The following CADM2 variants were observed in gnomAD, a reference collection of about 807,000 sequenced individuals.
The protein encoded by CADM2 is immunoglobulin superfamily member 4D.
In CADM2, 12 loss-of-function variants were observed where a neutral mutation model predicts 49.8. The observed-to-expected ratio is 0.24, with a 90% confidence interval of 0.15 to 0.39. CADM2 has a LOEUF of 0.39. Ranked by LOEUF, CADM2 falls within the 10% of genes least tolerant of loss-of-function variation. CADM2 has a pLI of 1.00. For missense variants in CADM2, 378 were observed against 492.3 expected, an observed-to-expected ratio of 0.77 and a Z score of 2.20; for synonymous variants, 214 against 175.4, an observed-to-expected ratio of 1.22 and a Z score of -1.74.
intron 1 of CADM2, among the ~76,000 whole-genome samples, chr3:84,984,933 G>A (rs899958492): frequency 2.5e-4 from 38 of 152,160 alleles, no homozygotes; most frequent in African/African-American, 8.9e-4. Context: ...TTGGTACCCA[G>A]AGCTTTATGA....
intron 5 of CADM2, among the ~76,000 whole-genome samples, chr3:85,899,670 G>A (rs993814619): frequency 6.6e-6 from 1 of 152,126 alleles, no homozygotes; most frequent in African/African-American, 2.4e-5. Flanking sequence ...TATTAAGTGA[G>A]ACCAGAACAG....
At chr3:85,517,557 T>C (rs1306234200) in intron 1 of CADM2, among the ~76,000 whole-genome samples, 5 of 152,170 alleles carry the variant, frequency 3.3e-5, no homozygotes, top group Admixed American at 3.3e-4. Flanking sequence ...AATTATATCG[T>C]CATGATTTTA....
At chr3:85,879,078 TA>T (rs1469618997) in intron 3 of CADM2, among the ~76,000 whole-genome samples, 1 of 150,536 alleles carries the variant, frequency 6.6e-6, no homozygotes, top group Non-Finnish European at 1.5e-5. Context: ...TATAAATACA[TA>T]TATTTATATA....
chr3:85,536,457 T>G (rs1269699022), intron 1 of CADM2, among the ~76,000 whole-genome samples: 1 of 104,672 alleles, frequency 9.6e-6, no homozygotes, highest in Admixed American at 1.0e-4. Context: ...TTAAATATAG[T>G]ATTGTTTTTT....
intron 1 of CADM2, among the ~76,000 whole-genome samples, chr3:85,381,446 A>ATATATATATAAACTGTATATATAAAG (rs2033899708): frequency 6.8e-6 from 1 of 147,728 alleles, no homozygotes; most frequent in Non-Finnish European, 1.5e-5. Context: ...TATAAAGAAA[A>ATATATATATAAACTGTATATATAAAG]TATATATATA....
At chr3:85,296,463 C>A (rs1307142802) in intron 1 of CADM2, among the ~76,000 whole-genome samples, 1 of 151,550 alleles carries the variant, frequency 6.6e-6, no homozygotes, top group Non-Finnish European at 1.5e-5. Context: ...ACCTGCTGTC[C>A]CTATATTGAT....
intron 1 of CADM2, among the ~76,000 whole-genome samples, chr3:85,538,948 A>G (rs1304706467): frequency 6.6e-6 from 1 of 152,054 alleles, no homozygotes; most frequent in East Asian, 1.9e-4. Context: ...TTTGAAATAT[A>G]TGCTTTTTAA....
At chr3:85,065,451 T>C (rs1193890728) in intron 1 of CADM2, among the ~76,000 whole-genome samples, 1 of 152,128 alleles carries the variant, frequency 6.6e-6, no homozygotes, top group Admixed American at 6.6e-5. Context: ...GTTCCCAGAT[T>C]TCTCATTTTT....
At chr3:85,752,770 CAA>C (rs1041910966) in intron 2 of CADM2, among the ~76,000 whole-genome samples, 3 of 151,806 alleles carry the variant, frequency 2.0e-5, no homozygotes, top group Admixed American at 6.6e-5. Context: ...CAAGTAAATA[CAA>C]AAGTTTCAAC....
At chr3:85,533,217 A>T (rs2061356241) in intron 1 of CADM2, among the ~76,000 whole-genome samples, 1 of 152,220 alleles carries the variant, frequency 6.6e-6, no homozygotes. Context: ...GCCATACCTG[A>T]ATGAATCACC....
At chr3:86,024,112 T>C (rs1448827781) in intron 8 of CADM2, among the ~76,000 whole-genome samples, 1 of 152,206 alleles carries the variant, frequency 6.6e-6, no homozygotes, top group Non-Finnish European at 1.5e-5. Context: ...GTGTTCACCT[T>C]AAGATCTTCC....
chr3:85,954,267 AT>A (rs1723783841), intron 7 of CADM2, among the ~76,000 whole-genome samples: 1 of 151,078 alleles, frequency 6.6e-6, no homozygotes, highest in Non-Finnish European at 1.5e-5. Context: ...CTTTACATAT[AT>A]GTGGAATGCT....
In CADM2 at chr3:85,481,229, G is replaced by GAGAT. The variant is rs143226764; in HGVS notation, c.62-245292_62-245291insGATA. Among the ~76,000 whole-genome samples the GAGAT allele has an allele frequency of 3.7e-3, 538 of 144,958 alleles. 3 individuals carry two copies. Among genetic ancestry groups the GAGAT allele is most frequent in the South Asian group, 0.015 (68 of 4,650 alleles). On this transcript the variant is annotated intron_variant, in intron 1 of 9. Coordinates refer to ENST00000383699, the MANE Select transcript of CADM2 (RefSeq NM_001167675.2). ...GCATATACACAAATTATATATATTG[G>GAGAT]ATATATATATATATATATGTTTTGT...
chr3:85,128,720 C>T (rs1012883947), intron 1 of CADM2, among the ~76,000 whole-genome samples: 26 of 152,178 alleles, frequency 1.7e-4, no homozygotes, highest in African/African-American at 5.1e-4. Flanking sequence ...GTTTTACTAC[C>T]TATGGGACAG....
chr3:85,367,831 ATATG>A (rs1429145513), intron 1 of CADM2, among the ~76,000 whole-genome samples: 4 of 65,186 alleles, frequency 6.1e-5, no homozygotes, highest in Non-Finnish European at 9.2e-5. Flanking sequence ...ATATACATAT[ATATG>A]TGTGTGTGTG....
At chr3:85,509,547 T>C (rs2040516242) in intron 1 of CADM2, among the ~76,000 whole-genome samples, 1 of 152,168 alleles carries the variant, frequency 6.6e-6, no homozygotes, top group African/African-American at 2.4e-5. Flanking sequence ...TAACTGTTTT[T>C]AGCTTTTTAA....
intron 2 of CADM2, among the ~76,000 whole-genome samples, chr3:85,782,331 T>A (rs2107997449): frequency 6.6e-6 from 1 of 152,308 alleles, no homozygotes; most frequent in South Asian, 2.1e-4. Flanking sequence ...GAAATATATC[T>A]ACTCTGCTAT....
intron 8 of CADM2, among the ~76,000 whole-genome samples, chr3:86,055,424 A>G (rs985481781): frequency 2.0e-5 from 3 of 149,838 alleles, no homozygotes; most frequent in African/African-American, 7.3e-5. Flanking sequence ...TGAAAAGGGC[A>G]AAGCAATGCA....
chr3:85,001,316 T>G (rs2033450535), intron 1 of CADM2, among the ~76,000 whole-genome samples: 1 of 152,058 alleles, frequency 6.6e-6, no homozygotes. Context: ...TTTTAATATT[T>G]TAGTTTAACT....
Sources: gnomAD v4.1 joint callset for allele counts (sites outside exome capture counted in the v4.1 genomes callset) on GRCh38, gnomAD v4.1.1 for gene constraint, MANE v1.5 for transcripts, NCBI Gene and HGNC (gene_info 2026-07-23, HGNC 2026-07-21) for gene names.